Variants in NCKAP5 observed in about 807,000 individuals in gnomAD.
NCKAP5 encodes NCK associated protein 5, also known as nck-associated protein 5.
Under a neutral mutation model 167.0 loss-of-function variants are expected in NCKAP5, and 92 were observed. The observed-to-expected ratio is 0.55, with a 90% CI of 0.47 to 0.66. The LOEUF is 0.66. NCKAP5 is among the 30% of genes least tolerant of loss of function. NCKAP5 has a pLI of 0.00. For missense variants in NCKAP5, 2,378 were observed against 2,315.0 expected (o/e 1.03, Z -0.56); for synonymous variants, 891 against 877.4 (o/e 1.02, Z -0.27).
chr2:133,391,297 G>A (rs893030421), intron 3 of NCKAP5: 9 of 159,706 alleles, frequency 5.6e-5, no homozygotes, highest in South Asian at 2.1e-4. Flanking sequence ...CACATGGAGC[G>A]GTGAGGGAGG....
chr2:133,094,842 A>C (rs920681489), intron 6 of NCKAP5, among the ~76,000 whole-genome samples: 3 of 152,208 alleles, frequency 2.0e-5, no homozygotes, highest in Non-Finnish European at 2.9e-5. Context: ...AATTTGATGC[A>C]CCATCACTGG....
At chr2:132,743,863 C>A (rs1299293573) in intron 16 of NCKAP5, among the ~76,000 whole-genome samples, 1 of 151,322 alleles carries the variant, frequency 6.6e-6, no homozygotes, top group African/African-American at 2.4e-5. Context: ...ATATAGCATG[C>A]AAACTCTAAT....
chr2:133,033,845 A>T (rs996452020), intron 6 of NCKAP5, among the ~76,000 whole-genome samples: 1 of 152,062 alleles, frequency 6.6e-6, no homozygotes, highest in Non-Finnish European at 1.5e-5. Flanking sequence ...AGAATAAAAA[A>T]ACAATGAACC....
chr2:133,565,391 C>A (rs1688474824), intron 1 of NCKAP5, among the ~76,000 whole-genome samples: 1 of 152,200 alleles, frequency 6.6e-6, no homozygotes, highest in Non-Finnish European at 1.5e-5. Context: ...GTTTTAGCTA[C>A]ATTAAGATAT....
rs1008585102 is a variant in NCKAP5, at chr2:133,363,582, T to C, written c.70-60472A>G. On this transcript the variant is annotated intron_variant, in intron 3 of 19. Coordinates refer to ENST00000409261, the MANE Select transcript of NCKAP5 (RefSeq NM_207363.3). ...TATAGCATAGTGCTTCAAAGGCATC[T>C]AATGAAATAATGTATGGGAAAGCTC... 6.6e-5 allele frequency among the ~76,000 whole-genome samples: 10 copies of C among 152,372 alleles called. No individual in the cohort carries two copies. In the South Asian group the frequency reaches 2.1e-3, roughly 32 times the overall value.
chr2:133,017,642 C>T (rs1231984040), intron 6 of NCKAP5, among the ~76,000 whole-genome samples: 1 of 152,066 alleles, frequency 6.6e-6, no homozygotes, highest in Non-Finnish European at 1.5e-5. Context: ...TTAAATCTTC[C>T]TCTCTTTACT....
At chr2:133,405,961 G>A (rs189374571) in intron 3 of NCKAP5, among the ~76,000 whole-genome samples, 441 of 152,310 alleles carry the variant, frequency 2.9e-3, no homozygotes, top group Admixed American at 7.6e-3. Context: ...GCAACTCTTC[G>A]ACAGTACTCA....
chr2:132,935,987 T>C (rs1009951583), intron 8 of NCKAP5, among the ~76,000 whole-genome samples: 3 of 151,576 alleles, frequency 2.0e-5, no homozygotes, highest in East Asian at 1.9e-4. Context: ...TTTCTTTTTT[T>C]TTTTTTTTCC....
chr2:132,771,497 A>C (rs1488833834), intron 16 of NCKAP5, among the ~76,000 whole-genome samples: 1 of 152,178 alleles, frequency 6.6e-6, no homozygotes, highest in African/African-American at 2.4e-5. Flanking sequence ...TTATTGAAGA[A>C]ATTTTTTCCA....
At chr2:132,924,246 C>T (rs755020673) in intron 8 of NCKAP5, among the ~76,000 whole-genome samples, 5 of 152,168 alleles carry the variant, frequency 3.3e-5, no homozygotes, top group Non-Finnish European at 5.9e-5. Flanking sequence ...TTCCCATAAC[C>T]GCAGTGGCCA....
chr2:133,238,379 A>G (rs1342488593), intron 4 of NCKAP5, among the ~76,000 whole-genome samples: 1 of 152,152 alleles, frequency 6.6e-6, no homozygotes, highest in Non-Finnish European at 1.5e-5. Context: ...AGTCTCTGGT[A>G]GTATCACTGC....
intron 5 of NCKAP5, among the ~76,000 whole-genome samples, chr2:133,135,273 G>A (rs567898385): frequency 6.6e-6 from 1 of 152,202 alleles, no homozygotes; most frequent in Non-Finnish European, 1.5e-5. Context: ...GGCGAAGAGA[G>A]GGGACCAGCA....
intron 3 of NCKAP5, among the ~76,000 whole-genome samples, chr2:133,349,686 C>T (rs1421821484): frequency 6.6e-6 from 1 of 152,184 alleles, no homozygotes; most frequent in Non-Finnish European, 1.5e-5. Context: ...TTTTACAGAT[C>T]CTCTTGGCAG....
At chr2:133,285,345 C>A (rs2090069470) in intron 4 of NCKAP5, among the ~76,000 whole-genome samples, 2 of 152,136 alleles carry the variant, frequency 1.3e-5, no homozygotes, top group African/African-American at 4.8e-5. Context: ...CATTTGTTAT[C>A]CAAAGTTGAA....
chr2:133,652,475 T>C, the NCKAP5 span, among the ~76,000 whole-genome samples: 160 of 152,352 alleles, frequency 1.1e-3, no homozygotes, highest in African/African-American at 3.8e-3. Flanking sequence ...CAGCAACGTA[T>C]TGACGGAGAA....
At chr2:133,274,889 G>A (rs542993641) in intron 4 of NCKAP5, among the ~76,000 whole-genome samples, 2 of 151,896 alleles carry the variant, frequency 1.3e-5, no homozygotes, top group South Asian at 4.2e-4. Flanking sequence ...AGAATGCTTT[G>A]GAGGATACTT....
chr2:133,612,188 C>T, the NCKAP5 span, among the ~76,000 whole-genome samples: 1 of 152,060 alleles, frequency 6.6e-6, no homozygotes, highest in Non-Finnish European at 1.5e-5. Context: ...AAATTTGAAA[C>T]CAGAAAACAC....
At chr2:133,308,877 A>AT (rs1252543790) in intron 3 of NCKAP5, among the ~76,000 whole-genome samples, 2 of 148,746 alleles carry the variant, frequency 1.3e-5, no homozygotes, top group African/African-American at 4.9e-5. Flanking sequence ...CGCCCGGCTA[A>AT]TTTTTTGTAT....
chr2:132,845,969 C>T (rs1688632472), intron 11 of NCKAP5, among the ~76,000 whole-genome samples: 1 of 152,010 alleles, frequency 6.6e-6, no homozygotes, highest in South Asian at 2.1e-4. Flanking sequence ...TTTCCTGTTT[C>T]ATTCATTTAG....
Sources: allele counts gnomAD v4.1 joint callset (sites outside exome capture counted in the v4.1 genomes callset), GRCh38; gene constraint gnomAD v4.1.1; transcripts MANE v1.5; gene names NCBI Gene and HGNC (gene_info 2026-07-23, HGNC 2026-07-21).